Variants in PTPRT observed in about 807,000 individuals in gnomAD.
PTPRT encodes the protein protein tyrosine phosphatase receptor type T.
A neutral mutation model predicts 176.8 loss-of-function variants in PTPRT; 56 were observed. That is an observed-to-expected ratio of 0.32 (90% CI 0.26 to 0.40). The LOEUF is 0.40. PTPRT is among the 10% of genes least tolerant of loss of function. PTPRT has a pLI of 1.00. For synonymous variants in PTPRT, 783 were observed against 739.0 expected, an observed-to-expected ratio of 1.06 and a Z score of -0.96; for missense variants, 1,540 against 1,908.2, an observed-to-expected ratio of 0.81 and a Z score of 3.60.
intron 1 of PTPRT, chr20:43,063,245 T>C (rs1900143593): frequency 6.6e-6 from 1 of 152,212 alleles, no homozygotes; most frequent in African/African-American, 2.4e-5. Context: ...AGTCAACCCA[T>C]CTTTCAGTAA....
intron 9 of PTPRT, among the ~76,000 whole-genome samples, chr20:42,372,836 A>T (rs2058604867): frequency 6.6e-6 from 1 of 152,102 alleles, no homozygotes; most frequent in Admixed American, 6.5e-5. Context: ...GAGAAAGAGA[A>T]CCCACCCCAG....
At chr20:42,083,484 G>T (rs1600464377) in intron 29 of PTPRT, among the ~76,000 whole-genome samples, 1 of 152,216 alleles carries the variant, frequency 6.6e-6, no homozygotes, top group African/African-American at 2.4e-5. Flanking sequence ...CCTGAGGTTT[G>T]CTTCCTCTGG....
At chr20:42,943,838 C>T (rs1185144321) in intron 1 of PTPRT, among the ~76,000 whole-genome samples, 1 of 151,846 alleles carries the variant, frequency 6.6e-6, no homozygotes, top group Non-Finnish European at 1.5e-5. Flanking sequence ...AACATAGCAA[C>T]ACCCTGTCTC....
intron 1 of PTPRT, among the ~76,000 whole-genome samples, chr20:43,172,499 G>C (rs551340051): frequency 6.6e-6 from 1 of 152,278 alleles, no homozygotes; most frequent in South Asian, 2.1e-4. Context: ...GAGCACTGAA[G>C]GTCCTATGTC....
chr20:42,490,263 G>A (rs535364677), intron 7 of PTPRT, among the ~76,000 whole-genome samples: 22 of 152,096 alleles, frequency 1.4e-4, no homozygotes, highest in Non-Finnish European at 2.4e-4. Flanking sequence ...TATCAAGTTC[G>A]TTAAAAACTT....
intron 7 of PTPRT, among the ~76,000 whole-genome samples, chr20:42,501,842 T>A (rs1319011676): frequency 6.6e-6 from 1 of 152,128 alleles, no homozygotes; most frequent in Non-Finnish European, 1.5e-5. Context: ...TATGTATAAG[T>A]GACATTAAGC....
chr20:42,313,123 A>C (rs1305302593), intron 12 of PTPRT, among the ~76,000 whole-genome samples: 2 of 152,046 alleles, frequency 1.3e-5, no homozygotes, highest in African/African-American at 4.8e-5. Context: ...CCTCTGGTAG[A>C]CCTCACTGCT....
intron 1 of PTPRT, among the ~76,000 whole-genome samples, chr20:43,082,115 T>G (rs1407311775): frequency 6.6e-6 from 1 of 152,202 alleles, no homozygotes; most frequent in Non-Finnish European, 1.5e-5. Context: ...ATTTTATCCC[T>G]TTATTTTCAA....
At chr20:43,120,093 T>C (rs533592985) in intron 1 of PTPRT, among the ~76,000 whole-genome samples, 24 of 152,226 alleles carry the variant, frequency 1.6e-4, no homozygotes, top group African/African-American at 4.6e-4. Flanking sequence ...AGGTGTGAGA[T>C]ACCAGACCCG....
chr20:42,877,724 C>T (rs979801395), intron 2 of PTPRT, among the ~76,000 whole-genome samples: 9 of 152,146 alleles, frequency 5.9e-5, no homozygotes, highest in Non-Finnish European at 1.0e-4. Context: ...GTTTATGGCC[C>T]GTGAACAAGC....
chr20:42,182,867 T>C, intron 16 of PTPRT, among the ~76,000 whole-genome samples: 1 of 151,322 alleles, frequency 6.6e-6, no homozygotes, highest in East Asian at 2.0e-4. Flanking sequence ...GAGTTGGCCA[T>C]ACCCGTTGGG....
At chr20:42,614,984 G>C (rs1289293339) in intron 7 of PTPRT, among the ~76,000 whole-genome samples, 1 of 131,338 alleles carries the variant, frequency 7.6e-6, no homozygotes, top group East Asian at 2.3e-4. Flanking sequence ...TGTGCACATT[G>C]TGCAGGTTAG....
At chr20:42,694,531 T>C (rs1286728223) in intron 6 of PTPRT, among the ~76,000 whole-genome samples, 5 of 152,216 alleles carry the variant, frequency 3.3e-5, no homozygotes, top group Non-Finnish European at 7.3e-5. Flanking sequence ...GGTTTTTGTG[T>C]GAACATAAGT....
chr20:42,391,674 G>A (rs1219036685), intron 9 of PTPRT, among the ~76,000 whole-genome samples: 1 of 152,128 alleles, frequency 6.6e-6, no homozygotes, highest in Non-Finnish European at 1.5e-5. Context: ...CAATGATAGA[G>A]CTTGGATGAG....
At chr20:42,123,197 G>A (rs1027920720) in intron 19 of PTPRT, among the ~76,000 whole-genome samples, 1 of 152,204 alleles carries the variant, frequency 6.6e-6, no homozygotes, top group Non-Finnish European at 1.5e-5. Flanking sequence ...GGAGGAAGCT[G>A]TGATTTGGAA....
At chr20:42,585,769 G>C (rs1451014768) in intron 7 of PTPRT, among the ~76,000 whole-genome samples, 3 of 152,072 alleles carry the variant, frequency 2.0e-5, no homozygotes, top group Non-Finnish European at 4.4e-5. Flanking sequence ...TTATATTTGT[G>C]ATTATTATGT....
At chr20:42,061,959 G>T in the PTPRT span, among the ~76,000 whole-genome samples, 1 of 152,036 alleles carries the variant, frequency 6.6e-6, no homozygotes, top group Non-Finnish European at 1.5e-5. Flanking sequence ...CTTTTGTGAT[G>T]AACAAACCAC....
intron 1 of PTPRT, among the ~76,000 whole-genome samples, chr20:42,889,276 T>A (rs538198885): frequency 6.6e-6 from 1 of 152,356 alleles, no homozygotes; most frequent in South Asian, 2.1e-4. Context: ...TGCTTTTCCC[T>A]TCTTACAGTC....
intron 7 of PTPRT, among the ~76,000 whole-genome samples, chr20:42,550,850 C>A (rs188409072): frequency 2.0e-5 from 3 of 152,268 alleles, no homozygotes; most frequent in Admixed American, 2.0e-4. Context: ...GAAAGCATTT[C>A]TCAGTGTGTC....
Sources: allele counts gnomAD v4.1 joint callset (sites outside exome capture counted in the v4.1 genomes callset), GRCh38; gene constraint gnomAD v4.1.1; transcripts MANE v1.5; gene names NCBI Gene and HGNC (gene_info 2026-07-23, HGNC 2026-07-21).